SLC22A25: variants seen among roughly 807,000 people sequenced by gnomAD.
SLC22A25 encodes the protein MGI:2442751, MGI:2385316, MGI:3042283, MGI:3645714, MGI:3605624, MGI:2442750.
SLC22A25 carries 44 observed loss-of-function variants against 45.9 expected under a neutral mutation model. That is an observed-to-expected ratio of 0.96 (90% CI 0.75 to 1.23). The LOEUF is 1.23. SLC22A25 is among the 50% of genes most tolerant of loss of function. The pLI is 0.00. For synonymous variants in SLC22A25, 283 were observed against 238.6 expected (o/e 1.19, Z -1.72); for missense variants, 800 against 666.4 (o/e 1.20, Z -2.21).
intron 7 of SLC22A25, among the ~76,000 whole-genome samples, chr11:63,199,558 C>T (rs76040871): frequency 0.036 from 5,492 of 152,134 alleles, 333 homozygotes; most frequent in African/African-American, 0.13. Context: ...CTCCCGCCTC[C>T]CTCCTCACTT....
Position 63,162,149 on chromosome 11 carries a change from A to T in SLC22A25, c.*1675T>A, listed in dbSNP as rs2087543940. On this transcript the variant is annotated 3_prime_UTR_variant, in exon 12 of 12. Coordinates refer to ENST00000306494, the MANE Select transcript of SLC22A25 (RefSeq NM_199352.6). ...TCCTATAGAGTTGTTTGAGCTCCTT[A>T]TATATTCTGGTGATTAGTCCTTTGT... Among the ~76,000 whole-genome samples, 2 of 152,072 alleles carry T rather than the reference A, an allele frequency of 1.3e-5. No homozygotes were observed.
In SLC22A25 at chr11:63,211,169, A is replaced by G. The variant is rs530519475; in HGVS notation, c.830+6145T>C. Among the ~76,000 whole-genome samples, 14 of 152,278 alleles carry G rather than the reference A, an allele frequency of 9.2e-5. No individual in the cohort carries two copies. The South Asian group carries it at 2.9e-3, about 32-fold the overall frequency. ...AGACCCCTGGGTGGTAGTAGAGCTT[A>G]ACCCTCATGCTGCCTCGGTATGAGT... On this transcript the variant is annotated intron_variant, in intron 7 of 11. Transcript: ENST00000306494.
At chr11:63,195,769 G>A (rs1040511249) in intron 7 of SLC22A25, among the ~76,000 whole-genome samples, 2 of 152,022 alleles carry the variant, frequency 1.3e-5, no homozygotes, top group South Asian at 4.1e-4. Context: ...CAGAACTGAA[G>A]GAGATAGAGA....
At chr11:63,176,120 T>C (rs1051009194) in intron 9 of SLC22A25, among the ~76,000 whole-genome samples, 2 of 152,092 alleles carry the variant, frequency 1.3e-5, no homozygotes, top group South Asian at 2.1e-4. Context: ...TAAACTACTG[T>C]TGCTTTGCAA....
Position 63,164,087 on chromosome 11 carries a change from C to G in SLC22A25, c.1395-14G>C. 6.4e-7 allele frequency: 1 copy of G among 1,556,686 alleles called. No homozygotes were observed. Among genetic ancestry groups the G allele is most frequent in the Non-Finnish European group, 8.7e-7 (1 of 1,154,970 alleles). Reference sequence around the variant, plus strand: ...GTAGCTCTTCCCCTTGGAGTAAAAACAGCAACAGAGGAAAAGTTGTTAAAA... The same window carrying G: ...GTAGCTCTTCCCCTTGGAGTAAAAAGAGCAACAGAGGAAAAGTTGTTAAAA... On this transcript the variant is annotated splice_polypyrimidine_tract_variant and intron_variant, in intron 11 of 11. Transcript: ENST00000306494.
At chr11:63,219,252 T>C (rs568209425) in intron 5 of SLC22A25, among the ~76,000 whole-genome samples, 1 of 151,950 alleles carries the variant, frequency 6.6e-6, no homozygotes, top group South Asian at 2.1e-4. Flanking sequence ...TGTTATTACA[T>C]TCACAGCCTA....
chr11:63,220,515 T>C (rs756735472), intron 5 of SLC22A25, among the ~76,000 whole-genome samples: 3 of 152,202 alleles, frequency 2.0e-5, no homozygotes, highest in Non-Finnish European at 2.9e-5. Flanking sequence ...TGTATACTTA[T>C]GGAGTATATG....
chr11:63,217,525 G>A, intron 6 of SLC22A25, 43 bp from the exon 7 acceptor site: 1 of 1,610,506 alleles, frequency 6.2e-7, no homozygotes, highest in Non-Finnish European at 8.5e-7. Context: ...AATACAGGTG[G>A]AGCTTCAATG....
chr11:63,171,519 C>T (rs1315189088), intron 9 of SLC22A25, among the ~76,000 whole-genome samples: 1 of 152,094 alleles, frequency 6.6e-6, no homozygotes, highest in Non-Finnish European at 1.5e-5. Context: ...CAACAATAGA[C>T]AAACAGAGAG....
chr11:63,173,255 A>G (rs527340860), intron 9 of SLC22A25, among the ~76,000 whole-genome samples: 42 of 152,226 alleles, frequency 2.8e-4, no homozygotes, highest in African/African-American at 9.1e-4. Context: ...ATTGGGACAA[A>G]TACCTAATGC....
At chr11:63,199,559 C>G (rs1433706292) in intron 7 of SLC22A25, among the ~76,000 whole-genome samples, 1 of 152,080 alleles carries the variant, frequency 6.6e-6, no homozygotes, top group Non-Finnish European at 1.5e-5. Context: ...TCCCGCCTCC[C>G]TCCTCACTTA....
At chr11:63,182,087 G>C (rs2088347327) in intron 8 of SLC22A25, among the ~76,000 whole-genome samples, 1 of 152,016 alleles carries the variant, frequency 6.6e-6, no homozygotes. Flanking sequence ...GTCAGATGGA[G>C]GTTGAAACAG....
chr11:63,238,399 A>AC (rs1554989137), intron 2 of SLC22A25, among the ~76,000 whole-genome samples: 2 of 151,930 alleles, frequency 1.3e-5, no homozygotes, highest in African/African-American at 4.8e-5. Context: ...TCAACCTCCC[A>AC]GTATTTTTAA....
intron 7 of SLC22A25, among the ~76,000 whole-genome samples, chr11:63,209,271 T>C (rs1221810029): frequency 1.3e-5 from 2 of 152,102 alleles, no homozygotes; most frequent in African/African-American, 4.8e-5. Flanking sequence ...CATTAGTGGC[T>C]CGGGCACCCA....
intron 7 of SLC22A25, among the ~76,000 whole-genome samples, chr11:63,189,881 C>A (rs1408313987): frequency 6.6e-6 from 1 of 152,248 alleles, no homozygotes; most frequent in African/African-American, 2.4e-5. Flanking sequence ...CCCCCACTCT[C>A]TTCTGGCTTG....
chr11:63,199,938 A>G (rs996634082), intron 7 of SLC22A25, among the ~76,000 whole-genome samples: 2 of 152,164 alleles, frequency 1.3e-5, no homozygotes, highest in African/African-American at 2.4e-5. Context: ...CAAGATCACC[A>G]TTGAAAGTCT....
rs372072998 is a variant in SLC22A25, at chr11:63,235,606, A to G, written c.-445+2275T>C. 4.4e-4 allele frequency among the ~76,000 whole-genome samples: 67 copies of G among 152,208 alleles called. 3 individuals are homozygous for G. The highest frequency in any genetic ancestry group is 2.3e-3 in the East Asian group (12 of 5,170). ...TGGTTTAAACTTCCTCCTTTAGCTC[A>G]GAGTAGTTTGATCTTCTGAAGACTT... On this transcript the variant is annotated intron_variant, in intron 3 of 11. Coordinates refer to ENST00000306494, the MANE Select transcript of SLC22A25 (RefSeq NM_199352.6).
At chr11:63,216,161 A>T (rs1354817472) in intron 7 of SLC22A25, among the ~76,000 whole-genome samples, 16 of 152,220 alleles carry the variant, frequency 1.1e-4, no homozygotes, top group Non-Finnish European at 2.4e-4. Context: ...TGCAAATCAA[A>T]CCACAATGAG....
intron 7 of SLC22A25, among the ~76,000 whole-genome samples, chr11:63,215,810 T>C (rs2089694654): frequency 6.6e-6 from 1 of 152,168 alleles, no homozygotes; most frequent in Admixed American, 6.6e-5. Flanking sequence ...TTTATTGTTT[T>C]CTTCTTTGTG....
Sources: gnomAD v4.1 joint callset for allele counts (sites outside exome capture counted in the v4.1 genomes callset) on GRCh38, gnomAD v4.1.1 for gene constraint, MANE v1.5 for transcripts, NCBI Gene and HGNC (gene_info 2026-07-23, HGNC 2026-07-21) for gene names.